EVI5: variants seen among roughly 807,000 people sequenced by gnomAD.
EVI5 encodes the protein ecotropic viral integration site 5.
Under a neutral mutation model 112.0 loss-of-function variants are expected in EVI5, and 73 were observed. The observed-to-expected ratio is 0.65, with a 90% CI of 0.54 to 0.79. The LOEUF (loss-of-function observed/expected upper bound fraction) is 0.79, where lower values mean the gene tolerates loss of function less well. Ranked by LOEUF, EVI5 falls within the 30% of genes least tolerant of loss-of-function variation. The pLI, the probability that EVI5 is intolerant of heterozygous loss-of-function variation, is 0.00. For synonymous variants in EVI5, 305 were observed against 319.9 expected (o/e 0.95, Z 0.50); for missense variants, 900 against 968.8 (o/e 0.93, Z 0.94).
intron 19 of EVI5, among the ~76,000 whole-genome samples, chr1:92,559,270 C>T (rs1668146454): frequency 6.6e-6 from 1 of 152,086 alleles, no homozygotes; most frequent in Non-Finnish European, 1.5e-5. Context: ...TGGTTGAATC[C>T]ACTGATGCAA....
intron 2 of EVI5, among the ~76,000 whole-genome samples, chr1:92,705,498 C>A (rs1476543783): frequency 1.3e-5 from 2 of 152,184 alleles, no homozygotes; most frequent in Non-Finnish European, 2.9e-5. Context: ...CCTACAGTCT[C>A]CCCTAAAACT....
chr1:92,515,838 T>G (rs1355512510), intron 19 of EVI5, among the ~76,000 whole-genome samples: 3 of 152,136 alleles, frequency 2.0e-5, no homozygotes, highest in Admixed American at 6.5e-5. Flanking sequence ...TCCCTGCTTG[T>G]ATATGACAAC....
At chr1:92,601,853 A>G (rs1480628783) in intron 18 of EVI5, among the ~76,000 whole-genome samples, 1 of 152,240 alleles carries the variant, frequency 6.6e-6, no homozygotes, top group East Asian at 1.9e-4. Flanking sequence ...ATCAACAAAA[A>G]GAGTGATTTA....
At chr1:92,656,425 T>C (rs1663002912) in intron 13 of EVI5, among the ~76,000 whole-genome samples, 1 of 151,818 alleles carries the variant, frequency 6.6e-6, no homozygotes, top group African/African-American at 2.4e-5. Context: ...CAGCATTATA[T>C]GCCTAAATAA....
chr1:92,704,471 G>T (rs1465296683), intron 3 of EVI5, 84 bp downstream of exon 3: 2 of 782,466 alleles, frequency 2.6e-6, no homozygotes, highest in African/African-American at 3.5e-5. Flanking sequence ...AGTTGTATTT[G>T]GGGTTTTTTT....
At chr1:92,605,971 C>T (rs1650280683) in intron 17 of EVI5, among the ~76,000 whole-genome samples, 1 of 152,006 alleles carries the variant, frequency 6.6e-6, no homozygotes, top group Admixed American at 6.6e-5. Flanking sequence ...CAGGGTAAAA[C>T]ATACACATTT....
chr1:92,521,459 G>C (rs1477121869), intron 19 of EVI5, among the ~76,000 whole-genome samples: 1 of 152,212 alleles, frequency 6.6e-6, no homozygotes, highest in African/African-American at 2.4e-5. Context: ...GGGAGGCCAA[G>C]GCGGATGGAT....
chr1:92,564,177 A>C (rs1669066792), intron 18 of EVI5, among the ~76,000 whole-genome samples: 1 of 152,178 alleles, frequency 6.6e-6, no homozygotes, highest in Admixed American at 6.5e-5. Flanking sequence ...ATTTCTTTAA[A>C]AATGCTTAAT....
At chr1:92,566,081 C>G (rs1231807704) in intron 18 of EVI5, among the ~76,000 whole-genome samples, 6 of 152,014 alleles carry the variant, frequency 3.9e-5, no homozygotes, top group African/African-American at 1.4e-4. Context: ...CTCTAACTAC[C>G]CTTAGTTTGT....
intron 16 of EVI5, among the ~76,000 whole-genome samples, chr1:92,611,197 C>A (rs1369475014): frequency 6.7e-6 from 1 of 149,234 alleles, no homozygotes; most frequent in Non-Finnish European, 1.5e-5. Flanking sequence ...AGGATAAAAA[C>A]AAATAAATCC....
Position 92,778,074 on chromosome 1 carries a change from A to G in EVI5, c.-82+6762T>C, listed in dbSNP as rs193125430. Among the ~76,000 whole-genome samples the G allele has an allele frequency of 2.2e-3, 331 of 152,036 alleles. 2 individuals carry two copies. The highest frequency in any genetic ancestry group is 4.7e-3 in the Admixed American group (71 of 15,254). ...CAGGCGCACGCCACCACGCACAGCT[A>G]ATTTTTGTATTTTTAGTAGAGACGG... On this transcript the variant is annotated intron_variant, in intron 1 of 19. Transcript: ENST00000684568.
upstream of EVI5, among the ~76,000 whole-genome samples, chr1:92,786,494 C>T (rs1332672749): frequency 6.6e-6 from 1 of 152,096 alleles, no homozygotes. Context: ...ATATTCCATC[C>T]GTCAGCAAAT....
At chr1:92,549,800 C>T (rs1477090978) in intron 19 of EVI5, among the ~76,000 whole-genome samples, 1 of 152,152 alleles carries the variant, frequency 6.6e-6, no homozygotes, top group East Asian at 1.9e-4. Context: ...CACAGTGAGA[C>T]ACCATCTCAC....
chr1:92,788,254 G>A (rs748510050), upstream of EVI5, among the ~76,000 whole-genome samples: 5 of 151,990 alleles, frequency 3.3e-5, no homozygotes, highest in Non-Finnish European at 5.9e-5. Context: ...TGGATTGCCC[G>A]AGCGGAAGAG....
chr1:92,622,917 T>C (rs968218784), intron 16 of EVI5, among the ~76,000 whole-genome samples: 1 of 152,248 alleles, frequency 6.6e-6, no homozygotes, highest in African/African-American at 2.4e-5. Flanking sequence ...TTCTGAATTA[T>C]ATTAAATATA....
At chr1:92,658,638 T>C (rs1231887912) in intron 13 of EVI5, among the ~76,000 whole-genome samples, 1 of 152,180 alleles carries the variant, frequency 6.6e-6, no homozygotes, top group Non-Finnish European at 1.5e-5. Context: ...ATCAGTATCA[T>C]TAAAATGACC....
intron 1 of EVI5, among the ~76,000 whole-genome samples, chr1:92,776,884 G>C (rs1019878781): frequency 6.6e-6 from 1 of 150,764 alleles, no homozygotes; most frequent in Admixed American, 6.6e-5. Flanking sequence ...CTCACTGCAA[G>C]CTCCGCCTCC....
In EVI5 at chr1:92,574,048, G is replaced by A. The variant is rs1208832870; in HGVS notation, c.2071-10311C>T. Among the ~76,000 whole-genome samples, 3 of 152,064 alleles carry A rather than the reference G, an allele frequency of 2.0e-5. No individual in the cohort carries two copies. The East Asian group carries it at 5.8e-4, about 29-fold the overall frequency. ...TATATAGGTAATAGTAAAAAGCTGTGTTTTCTAATATAACACATAAGAGTA... is the reference window on the plus strand; with the variant it reads ...TATATAGGTAATAGTAAAAAGCTGTATTTTCTAATATAACACATAAGAGTA... On this transcript the variant is annotated intron_variant, in intron 18 of 19. Coordinates refer to ENST00000684568, the MANE Select transcript of EVI5 (RefSeq NM_001350197.2).
At chr1:92,767,242 C>T (rs1159916854) in intron 1 of EVI5, among the ~76,000 whole-genome samples, 1 of 152,146 alleles carries the variant, frequency 6.6e-6, no homozygotes, top group Non-Finnish European at 1.5e-5. Context: ...ATCAGATCCA[C>T]TATTGTTGCT....
Sources: gnomAD v4.1 joint callset for allele counts (sites outside exome capture counted in the v4.1 genomes callset) on GRCh38, gnomAD v4.1.1 for gene constraint, MANE v1.5 for transcripts, NCBI Gene and HGNC (gene_info 2026-07-23, HGNC 2026-07-21) for gene names.